ZBBX: variants seen among roughly 807,000 people sequenced by gnomAD.
The protein encoded by ZBBX is zinc finger B-box domain-containing protein 1.
ZBBX carries 101 observed loss-of-function variants against 108.5 expected under a neutral mutation model. That is an observed-to-expected ratio of 0.93 (90% CI 0.79 to 1.10). The LOEUF (loss-of-function observed/expected upper bound fraction) is 1.10. ZBBX is among the 50% of genes least tolerant of loss of function. The pLI is 0.00. For missense variants in ZBBX, 1,009 were observed against 941.4 expected (o/e 1.07, Z -0.94); for synonymous variants, 356 against 323.4 (o/e 1.10, Z -1.08).
the ZBBX span, among the ~76,000 whole-genome samples, chr3:167,211,378 T>C: frequency 2.0e-5 from 3 of 152,170 alleles, no homozygotes; most frequent in African/African-American, 7.2e-5. Context: ...ATACTTGGGC[T>C]TTCTGGCAAA....
intron 9 of ZBBX, among the ~76,000 whole-genome samples, chr3:167,339,901 T>C (rs146256081): frequency 7.4e-4 from 113 of 152,182 alleles, no homozygotes; most frequent in African/African-American, 2.6e-3. Context: ...CTCCCACTTA[T>C]GAGTGAGAGT....
intron 1 of ZBBX, among the ~76,000 whole-genome samples, chr3:167,389,564 A>C (rs1010416617): frequency 6.6e-6 from 1 of 152,166 alleles, no homozygotes; most frequent in African/African-American, 2.4e-5. Flanking sequence ...ACTGTCTTCC[A>C]CATTGGTTGA....
intron 13 of ZBBX, 42 bp from the exon 14 acceptor site, chr3:167,317,147 T>C: frequency 7.7e-7 from 1 of 1,297,564 alleles, no homozygotes; most frequent in Non-Finnish European, 1.1e-6. Context: ...AAAGAATATA[T>C]CTTACTTTAT....
intron 20 of ZBBX, among the ~76,000 whole-genome samples, chr3:167,256,180 TACC>T (rs1034336086): frequency 1.3e-5 from 2 of 152,168 alleles, no homozygotes; most frequent in Admixed American, 6.5e-5. Context: ...TATGTATATG[TACC>T]ACATTTTCTT....
chr3:167,210,498 AG>A, the ZBBX span, among the ~76,000 whole-genome samples: 2 of 152,216 alleles, frequency 1.3e-5, no homozygotes, highest in African/African-American at 4.8e-5. Flanking sequence ...GCTTATTCAA[AG>A]GGATAATAAC....
chr3:167,272,137 C>T (rs1025966263), intron 20 of ZBBX, among the ~76,000 whole-genome samples: 4 of 152,180 alleles, frequency 2.6e-5, no homozygotes, highest in Non-Finnish European at 2.9e-5. Flanking sequence ...AAATGTCTTC[C>T]TATTTATTGC....
intron 9 of ZBBX, among the ~76,000 whole-genome samples, chr3:167,342,045 T>C (rs1001105850): frequency 5.3e-5 from 8 of 151,820 alleles, no homozygotes; most frequent in Admixed American, 5.3e-4. Flanking sequence ...AGAAATTTCA[T>C]ATGAAATGAA....
intron 10 of ZBBX, among the ~76,000 whole-genome samples, chr3:167,330,243 C>T (rs1490053565): frequency 2.6e-5 from 4 of 151,958 alleles, no homozygotes; most frequent in Non-Finnish European, 5.9e-5. Flanking sequence ...GTAGAGAAAA[C>T]ATATTAACGT....
chr3:167,183,729 T>G, the ZBBX span, among the ~76,000 whole-genome samples: 3 of 152,232 alleles, frequency 2.0e-5, no homozygotes, highest in African/African-American at 7.2e-5. Flanking sequence ...CAGGAACACC[T>G]TAAGCAGTTT....
intron 11 of ZBBX, among the ~76,000 whole-genome samples, chr3:167,327,416 G>A (rs1737592122): frequency 6.6e-6 from 1 of 152,208 alleles, no homozygotes; most frequent in Admixed American, 6.5e-5. Flanking sequence ...AATTTACACA[G>A]AAAACAAATG....
intron 5 of ZBBX, 32 bp downstream of exon 5, chr3:167,368,429 T>C: frequency 7.0e-7 from 1 of 1,433,138 alleles, no homozygotes; most frequent in Non-Finnish European, 9.8e-7. Flanking sequence ...ATTTAGTTGA[T>C]TCATCTAAAA....
the ZBBX span, among the ~76,000 whole-genome samples, chr3:167,192,526 T>C: frequency 6.6e-6 from 1 of 152,210 alleles, no homozygotes; most frequent in Non-Finnish European, 1.5e-5. Flanking sequence ...TATTTGCTTG[T>C]TTGCTCTTGT....
chr3:167,397,214 C>T (rs530204463), intron 1 of ZBBX, among the ~76,000 whole-genome samples: 7 of 143,452 alleles, frequency 4.9e-5, no homozygotes, highest in African/African-American at 1.0e-4. Context: ...CATTTGTCTT[C>T]GCTGACTGCA....
At chr3:167,241,072 C>G (rs1274384493) in intron 21 of ZBBX, among the ~76,000 whole-genome samples, 153 bp from the exon 22 acceptor site, 1 of 152,060 alleles carries the variant, frequency 6.6e-6, no homozygotes, top group Non-Finnish European at 1.5e-5. Flanking sequence ...TTCAATGTGC[C>G]CAATATACCA....
intron 17 of ZBBX, among the ~76,000 whole-genome samples, chr3:167,302,136 T>C (rs995741901): frequency 1.3e-5 from 2 of 152,166 alleles, no homozygotes; most frequent in African/African-American, 4.8e-5. Flanking sequence ...TTGTAACATG[T>C]ATTTTGTAAA....
chr3:167,236,655 G>A (rs1467028808), downstream of ZBBX, among the ~76,000 whole-genome samples: 10 of 151,536 alleles, frequency 6.6e-5, no homozygotes, highest in African/African-American at 1.5e-4. Context: ...TGTAGGGACC[G>A]ACAGGGCTTC....
chr3:167,184,027 G>C, the ZBBX span, among the ~76,000 whole-genome samples: 139 of 152,236 alleles, frequency 9.1e-4, no homozygotes, highest in African/African-American at 3.3e-3. Context: ...TGAATGATGA[G>C]TTCAGAAATA....
chr3:167,385,019 C>CA (rs1204660916), upstream of ZBBX, among the ~76,000 whole-genome samples: 2 of 151,870 alleles, frequency 1.3e-5, no homozygotes, highest in African/African-American at 2.4e-5. Context: ...AAGTCAGTTT[C>CA]AAAAAACAGA....
chr3:167,370,625 G>A (rs566258386), intron 4 of ZBBX, among the ~76,000 whole-genome samples: 42 of 152,236 alleles, frequency 2.8e-4, no homozygotes, highest in African/African-American at 6.3e-4. Flanking sequence ...CTGACCAAGC[G>A]GTCAAGTTTA....
Sources: allele counts gnomAD v4.1 joint callset (sites outside exome capture counted in the v4.1 genomes callset), GRCh38; gene constraint gnomAD v4.1.1; transcripts MANE v1.5; gene names NCBI Gene and HGNC (gene_info 2026-07-23, HGNC 2026-07-21).